ELL2: variants seen among roughly 807,000 people sequenced by gnomAD.
The protein encoded by ELL2 is elongation factor for RNA polymerase II 2.
A neutral mutation model predicts 72.8 loss-of-function variants in ELL2; 21 were observed. That is an observed-to-expected ratio of 0.29 (90% confidence interval 0.20 to 0.42). The LOEUF is 0.42. Among genes scored for constraint, ELL2 ranks in the 10% least tolerant of loss-of-function variants. ELL2 has a pLI of 1.00. For missense variants in ELL2, 568 were observed against 772.8 expected (o/e 0.73, Z 3.14); for synonymous variants, 266 against 283.2 (o/e 0.94, Z 0.61).
chr5:95,926,271 G>A (rs1247754889), intron 2 of ELL2, among the ~76,000 whole-genome samples: 1 of 151,934 alleles, frequency 6.6e-6, no homozygotes, highest in Non-Finnish European at 1.5e-5. Flanking sequence ...ACTGGCAATA[G>A]AAAAAGTTAA....
At chr5:95,915,287 G>C (rs1189041033) in intron 3 of ELL2, among the ~76,000 whole-genome samples, 2 of 152,158 alleles carry the variant, frequency 1.3e-5, no homozygotes, top group African/African-American at 2.4e-5. Flanking sequence ...ATTTTTAGTA[G>C]AGACAGGGTT....
At chr5:95,929,938 ATAT>A (rs1750537323) in intron 2 of ELL2, among the ~76,000 whole-genome samples, 1 of 152,182 alleles carries the variant, frequency 6.6e-6, no homozygotes, top group African/African-American at 2.4e-5. Context: ...ACTTAAGTTC[ATAT>A]TATACATTTT....
chr5:95,937,560 A>AT (rs548768116), intron 2 of ELL2, among the ~76,000 whole-genome samples: 54 of 152,150 alleles, frequency 3.5e-4, no homozygotes, highest in African/African-American at 1.3e-3. Context: ...AAAAACTAAA[A>AT]TTTTTTTAAC....
Position 95,888,744 on chromosome 5 carries a change from C to A in ELL2, c.*127G>T. On this transcript the variant is annotated 3_prime_UTR_variant, in exon 12 of 12. Coordinates refer to ENST00000237853, the MANE Select transcript of ELL2 (RefSeq NM_012081.6). ...AAGTAAAATGGAAAAGAAAAAGTAA[C>A]TCAAGTTTACTAATACTGAAACTTT... 1.6e-6 allele frequency: 1 copy of A among 621,734 alleles called. No individual in the cohort carries two copies. The highest frequency in any genetic ancestry group is 2.5e-6 in the Non-Finnish European group (1 of 392,688). 38.5% of individuals were successfully genotyped at this position (621,734 alleles called of 1,614,324 possible).
At chr5:95,947,982 T>C (rs1277911780) in intron 1 of ELL2, among the ~76,000 whole-genome samples, 2 of 152,188 alleles carry the variant, frequency 1.3e-5, no homozygotes, top group Non-Finnish European at 2.9e-5. Context: ...TGTATGTACT[T>C]ATCCAAACAG....
chr5:95,897,455 C>A (rs1748917411), intron 8 of ELL2, among the ~76,000 whole-genome samples: 1 of 152,188 alleles, frequency 6.6e-6, no homozygotes, highest in African/African-American at 2.4e-5. Flanking sequence ...TAAGAAAAAT[C>A]TAATTTTGTC....
intron 3 of ELL2, among the ~76,000 whole-genome samples, chr5:95,916,820 G>C (rs80170957): frequency 6.6e-6 from 1 of 151,808 alleles, no homozygotes; most frequent in Admixed American, 6.6e-5. Context: ...GTGGGAGAGA[G>C]GGGGGAGAGT....
At chr5:95,895,866 A>G (rs905286660) in intron 8 of ELL2, among the ~76,000 whole-genome samples, 175 bp from the exon 9 acceptor site, 11 of 152,218 alleles carry the variant, frequency 7.2e-5, no homozygotes, top group African/African-American at 2.7e-4. Context: ...TAGAGGCCCT[A>G]TGACCAGCGC....
chr5:95,933,109 T>C (rs1438295686), intron 2 of ELL2, among the ~76,000 whole-genome samples: 1 of 152,212 alleles, frequency 6.6e-6, no homozygotes, highest in Non-Finnish European at 1.5e-5. Context: ...AATTTTGAAA[T>C]TCAAAAAACA....
At chr5:95,892,416 G>A (rs1748701732) in intron 9 of ELL2, among the ~76,000 whole-genome samples, 1 of 152,192 alleles carries the variant, frequency 6.6e-6, no homozygotes, top group Admixed American at 6.5e-5. Context: ...CAAAGTGCTA[G>A]GATTATAGGC....
At chr5:95,924,531 T>G (rs958305038) in intron 2 of ELL2, among the ~76,000 whole-genome samples, 6 of 152,236 alleles carry the variant, frequency 3.9e-5, no homozygotes, top group African/African-American at 1.4e-4. Context: ...TCTTGAATTT[T>G]TAGCTAAATG....
chr5:95,901,809 A>T (rs1749153864), intron 5 of ELL2, among the ~76,000 whole-genome samples: 1 of 152,220 alleles, frequency 6.6e-6, no homozygotes, highest in Non-Finnish European at 1.5e-5. Context: ...ATGGCCCAAG[A>T]TGGCTACCAA....
rs541783468 is a variant in ELL2 at position 95,887,313 on chromosome 5, A to T, written c.*1558T>A. 2 of 152,758 alleles carry T rather than the reference A, an allele frequency of 1.3e-5. No homozygotes were observed. Among genetic ancestry groups the T allele is most frequent in the African/African-American group, 4.8e-5 (2 of 41,584 alleles). The allele number at this position is 152,758 out of a possible 1,614,324, so 9.5% of individuals were successfully genotyped here. On this transcript the variant is annotated 3_prime_UTR_variant, in exon 12 of 12. Coordinates refer to ENST00000237853, the MANE Select transcript of ELL2 (RefSeq NM_012081.6). Reference sequence around the variant, plus strand: ...TTTAGAACTCCAAAGAGAAAAGTTAATCTACATGCTCTCTCAAGTTTTCTA... The same window carrying T: ...TTTAGAACTCCAAAGAGAAAAGTTATTCTACATGCTCTCTCAAGTTTTCTA...
Position 95,925,034 on chromosome 5 carries a change from T to C in ELL2, c.196-5489A>G, listed in dbSNP as rs543253330. ...GCTGTTGGTACCTTTACTGCAGGTT[T>C]CCTGTCCTTGAGTCAAATACTTTCT... On this transcript the variant is annotated intron_variant, in intron 2 of 11. Transcript: ENST00000237853. 4.6e-5 allele frequency among the ~76,000 whole-genome samples: 7 copies of C among 152,368 alleles called. No homozygotes were observed. The South Asian group carries it at 1.4e-3, about 32-fold the overall frequency.
At chr5:95,890,852 T>C (rs919122577) in intron 10 of ELL2, 6 of 485,570 alleles carry the variant, frequency 1.2e-5, no homozygotes, top group Non-Finnish European at 2.2e-5. Context: ...TTTAGTTGTG[T>C]TTGGTATTTT....
chr5:95,930,580 A>G (rs1055405532), intron 2 of ELL2, among the ~76,000 whole-genome samples: 6 of 152,202 alleles, frequency 3.9e-5, no homozygotes, highest in African/African-American at 1.4e-4. Flanking sequence ...TTTCAATATC[A>G]ATTGTTTTTG....
At position 95,885,264 on chromosome 5, in the gene ELL2, T is replaced by A. The variant is rs1239029563; in HGVS notation, c.*3607A>T. 1 of 152,146 alleles carries A rather than the reference T, an allele frequency of 6.6e-6. No homozygotes were observed. The highest frequency in any genetic ancestry group is 1.5e-5 in the Non-Finnish European group (1 of 68,020). 9.4% of individuals were successfully genotyped at this position (152,146 alleles called of 1,614,324 possible). ...AACAGCATATATATATTTTAACACC[T>A]CAAAATAGTTTGAAATGAGCCTCAC... On this transcript the variant is annotated 3_prime_UTR_variant, in exon 12 of 12. Coordinates refer to ENST00000237853, the MANE Select transcript of ELL2 (RefSeq NM_012081.6).
intron 1 of ELL2, among the ~76,000 whole-genome samples, chr5:95,956,170 T>C (rs1004882490): frequency 1.3e-5 from 2 of 152,178 alleles, no homozygotes; most frequent in African/African-American, 4.8e-5. Flanking sequence ...TTCACATATG[T>C]TCTTTCTTTC....
At position 95,933,521 on chromosome 5, in the gene ELL2, A is replaced by G. The variant is rs544718657; in HGVS notation, c.195+9481T>C. On this transcript the variant is annotated intron_variant, in intron 2 of 11. Transcript: ENST00000237853. ...TGAAAAAAGAATATAAAAAAGCAAT[A>G]AACACATTAAGCCTGCAATTTTAAA... 4.6e-5 allele frequency among the ~76,000 whole-genome samples: 7 copies of G among 152,308 alleles called. No homozygotes were observed. In the South Asian group the frequency reaches 8.3e-4, roughly 18 times the overall value.
Sources: allele counts gnomAD v4.1 joint callset (sites outside exome capture counted in the v4.1 genomes callset), GRCh38; gene constraint gnomAD v4.1.1; transcripts MANE v1.5; gene names NCBI Gene and HGNC (gene_info 2026-07-23, HGNC 2026-07-21).